The following MSR1 variants were observed in gnomAD, a reference collection of about 807,000 sequenced individuals.
The protein encoded by MSR1 is macrophage scavenger receptor types I and II.
MSR1 carries 53 observed loss-of-function variants against 47.2 expected under a neutral mutation model. The ratio of observed to expected loss-of-function variants is 1.12; its 90% CI spans 0.90 to 1.41. The LOEUF (loss-of-function observed/expected upper bound fraction) is 1.41. Ranked by LOEUF, MSR1 falls within the 40% of genes most tolerant of loss-of-function variation. The probability of loss-of-function intolerance (pLI) is 0.00; values close to 1 mark genes in which losing one functional copy is unlikely to be tolerated. For synonymous variants in MSR1, 239 were observed against 185.6 expected (o/e 1.29, Z -2.34); for missense variants, 786 against 546.9 (o/e 1.44, Z -4.36).
chr8:16,120,581 G>A lies in MSR1; in HGVS notation c.1059C>T (p.Val353=). Residue 353 remains valine, a synonymous_variant, in exon 9 of 10, where the codon GTC becomes GTT. Coordinates refer to ENST00000262101, the MANE Select transcript of MSR1 (RefSeq NM_138715.3). ...TCCCCTCGTGAGGGCCGCTCCCACC[G>A]ACCAGTCGAACTTTCGTAAATGGAG... is the stretch of plus-strand genomic sequence containing the variant. The part of the protein sequence containing the change: ...TLTPFTKVRL[V]GGSGPHEGRV... 3 of 1,582,354 alleles carry A rather than the reference G, an allele frequency of 1.9e-6. No individual in the cohort carries two copies. The highest frequency in any genetic ancestry group is 1.7e-6 in the Non-Finnish European group (2 of 1,174,790).
At chr8:16,176,063 C>G (rs1360129566) in intron 2 of MSR1, among the ~76,000 whole-genome samples, 3 of 151,970 alleles carry the variant, frequency 2.0e-5, no homozygotes, top group African/African-American at 7.3e-5. Context: ...ATACAATGGT[C>G]ATTAAAAATT....
chr8:16,153,726 G>C (rs1479842483), intron 6 of MSR1, among the ~76,000 whole-genome samples: 1 of 151,956 alleles, frequency 6.6e-6, no homozygotes, highest in East Asian at 1.9e-4. Flanking sequence ...AGCCCAGACT[G>C]AATTTTTATG....
chr8:16,177,174 A>G (rs1049175701), intron 2 of MSR1, among the ~76,000 whole-genome samples: 1 of 152,204 alleles, frequency 6.6e-6, no homozygotes. Context: ...ACCAACAGAT[A>G]TGTTAAAGTT....
At chr8:16,116,048 C>T (rs1027814858) in intron 9 of MSR1, among the ~76,000 whole-genome samples, 8 of 152,128 alleles carry the variant, frequency 5.3e-5, no homozygotes, top group African/African-American at 1.7e-4. Flanking sequence ...CTTGGAATAT[C>T]ACTGATGTCA....
Position 16,109,977 on chromosome 8 carries a change from G to T in MSR1, c.*108C>A. On this transcript the variant is annotated 3_prime_UTR_variant, in exon 10 of 10. Coordinates refer to ENST00000262101, the MANE Select transcript of MSR1 (RefSeq NM_138715.3). ...TCCTGTAATCTAAAATATTATTTGG[G>T]CAATATTCTTAATCTCTTAAATATT... is the stretch of plus-strand genomic sequence containing the variant. The T allele has an allele frequency of 7.7e-7, 1 of 1,292,602 alleles. No individual in the cohort carries two copies. The allele number at this position is 1,292,602 out of a possible 1,614,324, so 80.1% of individuals were successfully genotyped here.
chr8:16,191,322 T>C (rs1403413128), intron 1 of MSR1, among the ~76,000 whole-genome samples: 4 of 152,148 alleles, frequency 2.6e-5, no homozygotes, highest in African/African-American at 7.2e-5. Context: ...TAGATTTGAG[T>C]ATTGACTGTG....
At chr8:16,185,206 G>A (rs1366337203) in intron 1 of MSR1, among the ~76,000 whole-genome samples, 1 of 151,388 alleles carries the variant, frequency 6.6e-6, no homozygotes, top group East Asian at 1.9e-4. Context: ...CATAGGATTT[G>A]TGGCATTTTC....
chr8:16,156,447 A>G (rs189328179), intron 5 of MSR1, among the ~76,000 whole-genome samples: 5 of 152,060 alleles, frequency 3.3e-5, no homozygotes, highest in Admixed American at 2.6e-4. Flanking sequence ...ACTTCTGTCT[A>G]TTCCTCTGGT....
chr8:16,139,148 T>G (rs1168797548), intron 8 of MSR1, among the ~76,000 whole-genome samples: 1 of 152,234 alleles, frequency 6.6e-6, no homozygotes, highest in Non-Finnish European at 1.5e-5. Flanking sequence ...CTATCTAATA[T>G]AAAATCTTTT....
At chr8:16,152,254 G>A (rs1017410155) in intron 6 of MSR1, among the ~76,000 whole-genome samples, 4 of 152,050 alleles carry the variant, frequency 2.6e-5, no homozygotes, top group African/African-American at 9.7e-5. Context: ...CAATACTCAG[G>A]TGTAGAGCGA....
intron 8 of MSR1, among the ~76,000 whole-genome samples, chr8:16,123,377 T>C (rs937691068): frequency 6.6e-6 from 1 of 152,166 alleles, no homozygotes; most frequent in Non-Finnish European, 1.5e-5. Context: ...GAAAAGTTCA[T>C]TTTGTCATCA....
rs145803092 is a variant in MSR1 at position 16,176,629 on chromosome 8, G to C, written c.103+1257C>G. 8.5e-5 allele frequency among the ~76,000 whole-genome samples: 13 copies of C among 152,206 alleles called. No individual in the cohort carries two copies. The East Asian group carries it at 1.7e-3, about 20-fold the overall frequency. On this transcript the variant is annotated intron_variant, in intron 2 of 9. Coordinates refer to ENST00000262101, the MANE Select transcript of MSR1 (RefSeq NM_138715.3). ...ATAGTCCACCTGCCAGGTTGATTAA[G>C]CCTGAAAAGTAGGAGTCATCTTCTC...
chr8:16,145,142 A>T (rs955115650), intron 7 of MSR1, among the ~76,000 whole-genome samples: 2 of 152,146 alleles, frequency 1.3e-5, no homozygotes, highest in Non-Finnish European at 2.9e-5. Context: ...AGGTCATAAT[A>T]TCAAATTTCT....
At chr8:16,182,977 C>G (rs762496909) in intron 1 of MSR1, among the ~76,000 whole-genome samples, 1 of 152,088 alleles carries the variant, frequency 6.6e-6, no homozygotes, top group Non-Finnish European at 1.5e-5. Flanking sequence ...CCAGCATCAC[C>G]ACAAATATGT....
chr8:16,146,170 C>T (rs936971921), intron 7 of MSR1, among the ~76,000 whole-genome samples: 30 of 152,018 alleles, frequency 2.0e-4, no homozygotes, highest in Non-Finnish European at 4.4e-5. Flanking sequence ...TTCCATCCCC[C>T]GTTTCTTTCA....
intron 8 of MSR1, chr8:16,140,750 G>A: frequency 7.0e-7 from 1 of 1,428,116 alleles, no homozygotes; most frequent in Non-Finnish European, 9.1e-7. Context: ...TCCAGGCTGG[G>A]GGTGATAGGG....
intron 8 of MSR1, among the ~76,000 whole-genome samples, chr8:16,129,120 T>C (rs1431238461): frequency 6.6e-6 from 1 of 152,144 alleles, no homozygotes; most frequent in Non-Finnish European, 1.5e-5. Flanking sequence ...ACACAGAAAC[T>C]GAATATTTGT....
intron 6 of MSR1, among the ~76,000 whole-genome samples, chr8:16,152,571 C>T (rs141392382): frequency 1.3e-5 from 2 of 152,012 alleles, no homozygotes; most frequent in East Asian, 1.9e-4. Flanking sequence ...TCAGTTCTCT[C>T]GAGGGCATCT....
intron 3 of MSR1, among the ~76,000 whole-genome samples, chr8:16,172,495 T>C (rs1801514456): frequency 6.6e-6 from 1 of 152,188 alleles, no homozygotes; most frequent in African/African-American, 2.4e-5. Context: ...GATGGCATTT[T>C]GTGACTTTTC....
Sources: allele counts gnomAD v4.1 joint callset (sites outside exome capture counted in the v4.1 genomes callset), GRCh38; gene constraint gnomAD v4.1.1; transcripts MANE v1.5; gene names NCBI Gene and HGNC (gene_info 2026-07-23, HGNC 2026-07-21).